SH3RF3: variants seen among roughly 807,000 people sequenced by gnomAD.
The protein encoded by SH3RF3 is E3 ubiquitin-protein ligase SH3RF3.
Under a neutral mutation model 66.3 loss-of-function variants are expected in SH3RF3, and 29 were observed. That is an observed-to-expected ratio of 0.44 (90% CI 0.33 to 0.60). The LOEUF is 0.60. Ranked by LOEUF, SH3RF3 falls within the 20% of genes least tolerant of loss-of-function variation. The pLI is 0.04. For synonymous variants in SH3RF3, 583 were observed against 532.0 expected (o/e 1.10, Z -1.32); for missense variants, 1,194 against 1,190.9 (o/e 1.00, Z -0.04).
At chr2:109,376,433 G>A (rs565004307) in intron 3 of SH3RF3, among the ~76,000 whole-genome samples, 3 of 152,328 alleles carry the variant, frequency 2.0e-5, no homozygotes, top group South Asian at 4.1e-4. Flanking sequence ...GAGCCTGGGT[G>A]GGTGGCTTGC....
At chr2:109,492,498 G>A (rs140480467) in intron 9 of SH3RF3, among the ~76,000 whole-genome samples, 15,724 of 152,194 alleles carry the variant, frequency 0.1, 1,227 homozygotes, top group Admixed American at 0.23. Flanking sequence ...CTCAGCAGTG[G>A]GCATGGATTC....
chr2:109,482,810 C>A (rs1678869945), intron 8 of SH3RF3, among the ~76,000 whole-genome samples: 1 of 152,174 alleles, frequency 6.6e-6, no homozygotes, highest in African/African-American at 2.4e-5. Flanking sequence ...ATGCGGCGGT[C>A]ACGTCTTCCA....
At chr2:109,389,144 A>C (rs1385936161) in intron 3 of SH3RF3, among the ~76,000 whole-genome samples, 1 of 152,220 alleles carries the variant, frequency 6.6e-6, no homozygotes, top group Non-Finnish European at 1.5e-5. Flanking sequence ...CATAGAACAC[A>C]GGTGAGCGTA....
chr2:109,420,223 C>G (rs1421237873), intron 5 of SH3RF3, among the ~76,000 whole-genome samples: 1 of 152,130 alleles, frequency 6.6e-6, no homozygotes, highest in African/African-American at 2.4e-5. Context: ...TTAAAATTCC[C>G]CATTTAAATC....
At chr2:109,310,021 A>C (rs1186330127) in intron 1 of SH3RF3, among the ~76,000 whole-genome samples, 1 of 123,484 alleles carries the variant, frequency 8.1e-6, no homozygotes, top group Non-Finnish European at 1.6e-5. Context: ...TCTCCACCCC[A>C]AATCAACAGA....
intron 1 of SH3RF3, among the ~76,000 whole-genome samples, chr2:109,289,960 C>G (rs989702569): frequency 6.6e-6 from 1 of 152,156 alleles, no homozygotes; most frequent in African/African-American, 2.4e-5. Flanking sequence ...TGGAGTAGCT[C>G]AAGGCTTCTG....
At chr2:109,472,078 A>G (rs1444140564) in intron 8 of SH3RF3, among the ~76,000 whole-genome samples, 2 of 152,170 alleles carry the variant, frequency 1.3e-5, no homozygotes, top group Non-Finnish European at 2.9e-5. Context: ...TCAAATTCCC[A>G]TCCTTTTCTA....
At chr2:109,478,175 T>C (rs941777501) in intron 8 of SH3RF3, among the ~76,000 whole-genome samples, 5 of 152,196 alleles carry the variant, frequency 3.3e-5, no homozygotes, top group African/African-American at 1.2e-4. Context: ...TTCTAGTGCA[T>C]TCTATGACCT....
chr2:109,313,883 C>A (rs1681798946), intron 1 of SH3RF3, among the ~76,000 whole-genome samples: 1 of 143,386 alleles, frequency 7.0e-6, no homozygotes, highest in African/African-American at 2.8e-5. Context: ...TGAAGAGTGG[C>A]AGTGGAGGAG....
At chr2:109,344,313 G>T (rs1386330305) in intron 1 of SH3RF3, among the ~76,000 whole-genome samples, 1 of 152,192 alleles carries the variant, frequency 6.6e-6, no homozygotes, top group Non-Finnish European at 1.5e-5. Flanking sequence ...GGGCACAGGT[G>T]GTGACGGGGG....
At chr2:109,130,438 C>T (rs1676663712) in intron 1 of SH3RF3, among the ~76,000 whole-genome samples, 1 of 152,200 alleles carries the variant, frequency 6.6e-6, no homozygotes, top group Admixed American at 6.5e-5. Flanking sequence ...AAACGGGGAC[C>T]TTCTTCCTCT....
intron 1 of SH3RF3, among the ~76,000 whole-genome samples, chr2:109,264,466 C>T (rs907756339): frequency 3.9e-5 from 6 of 152,286 alleles, no homozygotes; most frequent in African/African-American, 1.4e-4. Flanking sequence ...ATCTACCTCC[C>T]TATATGTCCT....
At chr2:109,374,101 C>T (rs1279309049) in intron 3 of SH3RF3, among the ~76,000 whole-genome samples, 1 of 152,292 alleles carries the variant, frequency 6.6e-6, no homozygotes, top group South Asian at 2.1e-4. Context: ...GCTCCATAGC[C>T]CCACCTGCCC....
chr2:109,493,471 A>G (rs1387809686), intron 9 of SH3RF3, among the ~76,000 whole-genome samples: 1 of 151,684 alleles, frequency 6.6e-6, no homozygotes, highest in African/African-American at 2.4e-5. Context: ...CACTATACAT[A>G]CAAACACATA....
intron 1 of SH3RF3, among the ~76,000 whole-genome samples, chr2:109,232,728 AGG>A (rs1679542774): frequency 2.6e-5 from 4 of 152,246 alleles, no homozygotes; most frequent in Admixed American, 2.6e-4. Flanking sequence ...TGATGGAACC[AGG>A]AGCTCTATGA....
chr2:109,277,021 C>T (rs562675513), intron 1 of SH3RF3, among the ~76,000 whole-genome samples: 22 of 152,218 alleles, frequency 1.4e-4, no homozygotes, highest in Admixed American at 7.2e-4. Context: ...AGACTTCCCT[C>T]GAGCACCTGT....
intron 4 of SH3RF3, 121 bp downstream of exon 4, chr2:109,399,064 G>A: frequency 3.5e-6 from 4 of 1,150,688 alleles, no homozygotes; most frequent in Admixed American, 2.4e-5. Flanking sequence ...TGCCTTTTGG[G>A]GTTGAGTGGG....
intron 1 of SH3RF3, among the ~76,000 whole-genome samples, chr2:109,168,363 T>C (rs765828258): frequency 2.0e-5 from 3 of 152,186 alleles, no homozygotes; most frequent in Non-Finnish European, 2.9e-5. Flanking sequence ...AGAACCCAGC[T>C]ATCAGGAGTG....
intron 1 of SH3RF3, among the ~76,000 whole-genome samples, chr2:109,276,878 G>GA (rs754942651): frequency 0.01 from 1,573 of 150,600 alleles, 15 homozygotes; most frequent in Non-Finnish European, 0.015. Flanking sequence ...AATTCACATG[G>GA]AAAAAAAAAT....
Sources: allele counts gnomAD v4.1 joint callset (sites outside exome capture counted in the v4.1 genomes callset), GRCh38; gene constraint gnomAD v4.1.1; transcripts MANE v1.5; gene names NCBI Gene and HGNC (gene_info 2026-07-23, HGNC 2026-07-21).